Variants in UBR2 observed in about 807,000 individuals in gnomAD.
UBR2 encodes the protein E3 ubiquitin-protein ligase UBR2.
A neutral mutation model predicts 247.9 loss-of-function variants in UBR2; 92 were observed. The observed-to-expected ratio is 0.37, with a 90% CI of 0.31 to 0.44. The LOEUF is 0.44. Ranked by LOEUF, UBR2 falls within the 20% of genes least tolerant of loss-of-function variation. The probability of loss-of-function intolerance (pLI) is 1.00; values close to 1 mark genes in which losing one functional copy is unlikely to be tolerated. For synonymous variants in UBR2, 672 were observed against 693.5 expected (o/e 0.97, Z 0.49); for missense variants, 1,613 against 2,112.6 (o/e 0.76, Z 4.64).
intron 10 of UBR2, among the ~76,000 whole-genome samples, chr6:42,616,922 A>G (rs1794596983): frequency 6.6e-6 from 1 of 152,200 alleles, no homozygotes; most frequent in Non-Finnish European, 1.5e-5. Context: ...GTCTGATTTC[A>G]TCAGAAACAG....
chr6:42,604,388 G>C (rs1040163854), intron 5 of UBR2, among the ~76,000 whole-genome samples: 15 of 152,102 alleles, frequency 9.9e-5, no homozygotes, highest in African/African-American at 3.6e-4. Flanking sequence ...GAGGATCTGA[G>C]GGACATTGGT....
rs138035633 is a variant in UBR2 at position 42,587,767 on chromosome 6, G to A, written c.339-4384G>A. ...CTTTTACTGTGGATTCTAATTATTA[G>A]TTATCTCAGTTTATGTTTATCTGAA... On this transcript the variant is annotated intron_variant, in intron 2 of 46. Coordinates refer to ENST00000372901, the MANE Select transcript of UBR2 (RefSeq NM_001363705.2). 5.1e-4 allele frequency among the ~76,000 whole-genome samples: 77 copies of A among 152,172 alleles called. 2 individuals are homozygous for A. The East Asian group carries it at 8.1e-3, about 16-fold the overall frequency.
Position 42,577,704 on chromosome 6 carries a change from A to G in UBR2, c.338+3711A>G, listed in dbSNP as rs191906067. On this transcript the variant is annotated intron_variant, in intron 2 of 46. Coordinates refer to ENST00000372901, the MANE Select transcript of UBR2 (RefSeq NM_001363705.2). ...TACTTCTTTTAAGATACGGAGAAGT[A>G]AGGTTTCATCCCCCTGTTTTTTTAG... 6.0e-3 allele frequency among the ~76,000 whole-genome samples: 918 copies of G among 152,268 alleles called. 6 individuals are homozygous for G. The highest frequency in any genetic ancestry group is 0.021 in the African/African-American group (863 of 41,542).
intron 11 of UBR2, chr6:42,620,478 G>GTTTTTTT (rs1358769362): frequency 4.0e-5 from 4 of 100,958 alleles, no homozygotes; most frequent in African/African-American, 1.7e-4. Flanking sequence ...AATATTAAGT[G>GTTTTTTT]TTGTTTTTTT....
At chr6:42,678,477 C>A in intron 40 of UBR2, 62 bp from the exon 41 acceptor site, 2 of 1,532,884 alleles carry the variant, frequency 1.3e-6, no homozygotes, top group Non-Finnish European at 1.8e-6. Context: ...TCTGTTTTCA[C>A]ACTATAAGTA....
intron 43 of UBR2, among the ~76,000 whole-genome samples, chr6:42,684,295 A>G (rs1012687895): frequency 6.6e-6 from 1 of 152,184 alleles, no homozygotes; most frequent in African/African-American, 2.4e-5. Context: ...ACTACTGTCT[A>G]GCCGAGCACA....
chr6:42,651,955 T>C (rs1427129725), intron 23 of UBR2, 68 bp from the exon 24 acceptor site: 2 of 1,457,102 alleles, frequency 1.4e-6, no homozygotes, highest in Non-Finnish European at 9.3e-7. Context: ...ACTAAAAATA[T>C]AAAAATTAAC....
rs761031092 is a variant in UBR2 at position 42,632,787 on chromosome 6, C to A, written c.1446-18C>A. 1.3e-6 allele frequency: 2 copies of A among 1,590,608 alleles called. No homozygotes were observed. Among genetic ancestry groups the A allele is most frequent in the Non-Finnish European group, 1.7e-6 (2 of 1,172,418 alleles). ...CAATGTTTATGTTAATTGCCACTGTCACTTTTATCTTGTTCAGGTATGTGT... is the reference window on the plus strand; with the variant it reads ...CAATGTTTATGTTAATTGCCACTGTAACTTTTATCTTGTTCAGGTATGTGT... On this transcript the variant is annotated intron_variant, in intron 12 of 46. Coordinates refer to ENST00000372901, the MANE Select transcript of UBR2 (RefSeq NM_001363705.2).
At chr6:42,645,731 T>C in intron 21 of UBR2, 141 bp downstream of exon 21, 2 of 818,720 alleles carry the variant, frequency 2.4e-6, no homozygotes, top group Non-Finnish European at 3.8e-6. Flanking sequence ...CCGGTCACTC[T>C]TATTATGAAT....
chr6:42,645,526 T>G lies in UBR2; in HGVS notation c.2345T>G (p.Ile782Ser). 6.2e-7 allele frequency: 1 copy of G among 1,613,784 alleles called. No individual in the cohort carries two copies. Among genetic ancestry groups the G allele is most frequent in the Non-Finnish European group, 8.5e-7 (1 of 1,179,734 alleles). ...VNATDEIKRE[I>S]IHQLSIKPMA... ...GCTACAGATGAAATCAAGCGAGAGA[T>G]TATCCATCAGTTGAGTATCAAGCCT... The change falls in exon 21 of 47, where the codon ATT becomes AGT. Residue 782 changes from isoleucine (I) to serine (S), a missense_variant. Coordinates refer to ENST00000372901, the MANE Select transcript of UBR2 (RefSeq NM_001363705.2).
At chr6:42,624,907 T>G (rs1795237061) in intron 11 of UBR2, among the ~76,000 whole-genome samples, 1 of 152,198 alleles carries the variant, frequency 6.6e-6, no homozygotes, top group East Asian at 1.9e-4. Flanking sequence ...TCAGGCCCCT[T>G]TCATCATCTT....
intron 9 of UBR2, among the ~76,000 whole-genome samples, 157 bp downstream of exon 9, chr6:42,615,335 G>T (rs1794473678): frequency 6.6e-6 from 1 of 152,022 alleles, no homozygotes; most frequent in African/African-American, 2.4e-5. Flanking sequence ...GATTTGGTGG[G>T]GTGGGGTCCA....
At chr6:42,674,053 T>A in intron 37 of UBR2, 73 bp from the exon 38 acceptor site, 14 of 1,495,600 alleles carry the variant, frequency 9.4e-6, no homozygotes, top group Non-Finnish European at 9.2e-6. Context: ...GAAGATAAAT[T>A]TAAAGCAGAT....
chr6:42,603,536 G>A, intron 4 of UBR2, 52 bp from the exon 5 acceptor site: 1 of 1,452,312 alleles, frequency 6.9e-7, no homozygotes, highest in Non-Finnish European at 9.0e-7. Flanking sequence ...GAAAATTAAT[G>A]TACATGATTG....
Position 42,564,187 on chromosome 6 carries a change from G to A in UBR2, c.-133G>A. On this transcript the variant is annotated 5_prime_UTR_variant, in exon 1 of 47. Transcript: ENST00000372901. Reference sequence around the variant, plus strand: ...CACGTCACCCTTCTCTCCCTCTGTTGCTCCACCTGCAGCCACTTGGACGGC... The same window carrying A: ...CACGTCACCCTTCTCTCCCTCTGTTACTCCACCTGCAGCCACTTGGACGGC... The A allele has an allele frequency of 2.1e-6, 2 of 971,378 alleles. No individual in the cohort carries two copies. Among genetic ancestry groups the A allele is most frequent in the Non-Finnish European group, 3.0e-6 (2 of 656,272 alleles). The allele number at this position is 971,378 out of a possible 1,614,324, so 60.2% of individuals were successfully genotyped here.
chr6:42,632,743 G>T, intron 12 of UBR2, 28 bp downstream of exon 12: 1 of 1,591,408 alleles, frequency 6.3e-7, no homozygotes. Context: ...TATTAAACCA[G>T]TTGCAATTTA....
At chr6:42,669,829 A>G (rs1167440515) in intron 34 of UBR2, among the ~76,000 whole-genome samples, 1 of 152,246 alleles carries the variant, frequency 6.6e-6, no homozygotes, top group African/African-American at 2.4e-5. Context: ...GATGGGAAAC[A>G]GGGTCAAGGA....
chr6:42,619,985 CA>C (rs748127072), intron 11 of UBR2: 21 of 942,674 alleles, frequency 2.2e-5, no homozygotes, highest in Non-Finnish European at 2.5e-5. Context: ...TATTTTTAAA[CA>C]GGCTATGGTA....
Position 42,691,691 on chromosome 6 carries a change from A to C in UBR2, c.*518A>C, listed in dbSNP as rs571049911. The C allele has an allele frequency of 1.9e-5, 3 of 155,276 alleles. No homozygotes were observed. Among genetic ancestry groups the C allele is most frequent in the East Asian group, 3.9e-4 (2 of 5,182 alleles). 9.6% of individuals were successfully genotyped at this position (155,276 alleles called of 1,614,324 possible). On this transcript the variant is annotated 3_prime_UTR_variant, in exon 47 of 47. Transcript: ENST00000372901. ...CAGTGTTCCCTTCTCTCCATTGACTATGAGAGAGTTGGGGGACACACATGC... is the reference window on the plus strand; with the variant it reads ...CAGTGTTCCCTTCTCTCCATTGACTCTGAGAGAGTTGGGGGACACACATGC...
Sources: gnomAD v4.1 joint callset for allele counts (sites outside exome capture counted in the v4.1 genomes callset) on GRCh38, gnomAD v4.1.1 for gene constraint, MANE v1.5 for transcripts, NCBI Gene and HGNC (gene_info 2026-07-23, HGNC 2026-07-21) for gene names.